GALNTL6: variants seen among roughly 807,000 people sequenced by gnomAD.
GALNTL6 encodes the protein polypeptide N-acetylgalactosaminyltransferase-like 6.
Under a neutral mutation model 73.7 loss-of-function variants are expected in GALNTL6, and 46 were observed. The ratio of observed to expected loss-of-function variants is 0.62; its 90% confidence interval spans 0.49 to 0.80. GALNTL6 has a LOEUF of 0.80. Among genes scored for constraint, GALNTL6 ranks in the 30% least tolerant of loss-of-function variants. The pLI is 0.00. For missense variants in GALNTL6, 604 were observed against 755.0 expected (o/e 0.80, Z 2.34); for synonymous variants, 259 against 263.7 (o/e 0.98, Z 0.17).
At chr4:172,937,261 T>C (rs565513607) in intron 9 of GALNTL6, among the ~76,000 whole-genome samples, 1 of 152,048 alleles carries the variant, frequency 6.6e-6, no homozygotes. Flanking sequence ...CTAAAGAAAT[T>C]AACATTTCGA....
At chr4:172,281,903 A>G (rs1398202037) in intron 3 of GALNTL6, among the ~76,000 whole-genome samples, 1 of 151,662 alleles carries the variant, frequency 6.6e-6, no homozygotes, top group African/African-American at 2.4e-5. Context: ...TTTCTAAACA[A>G]CTAAATCTTG....
At chr4:172,830,119 T>C (rs1196915121) in intron 7 of GALNTL6, among the ~76,000 whole-genome samples, 1 of 152,220 alleles carries the variant, frequency 6.6e-6, no homozygotes, top group Non-Finnish European at 1.5e-5. Context: ...AACTAAAAAT[T>C]CATTAAGATG....
At chr4:173,008,866 G>A (rs1159669212) in intron 10 of GALNTL6, among the ~76,000 whole-genome samples, 3 of 152,184 alleles carry the variant, frequency 2.0e-5, no homozygotes, top group South Asian at 4.1e-4. Context: ...GAACAATGGA[G>A]ATGCAAATAG....
intron 2 of GALNTL6, among the ~76,000 whole-genome samples, chr4:171,999,919 G>A (rs1022188848): frequency 7.2e-5 from 11 of 152,136 alleles, no homozygotes; most frequent in African/African-American, 2.7e-4. Context: ...TTCATAATAT[G>A]TAAGAGATTG....
intron 10 of GALNTL6, among the ~76,000 whole-genome samples, chr4:172,958,021 A>T (rs1749839615): frequency 6.6e-6 from 1 of 152,192 alleles, no homozygotes. Flanking sequence ...GGTATCAGGA[A>T]TAATGTAGGA....
chr4:171,924,424 GGA>G (rs1430831779), intron 2 of GALNTL6, among the ~76,000 whole-genome samples: 1 of 152,134 alleles, frequency 6.6e-6, no homozygotes, highest in East Asian at 1.9e-4. Flanking sequence ...CTTTGTGGTG[GGA>G]GAGTGTTTGA....
intron 5 of GALNTL6, among the ~76,000 whole-genome samples, chr4:172,595,825 A>T (rs1737829267): frequency 6.6e-6 from 1 of 152,182 alleles, no homozygotes; most frequent in African/African-American, 2.4e-5. Flanking sequence ...CAAACTTGGG[A>T]TCCAAAAAAG....
At chr4:172,053,156 AC>A (rs1730924935) in intron 2 of GALNTL6, among the ~76,000 whole-genome samples, 1 of 152,198 alleles carries the variant, frequency 6.6e-6, no homozygotes, top group Non-Finnish European at 1.5e-5. Context: ...AGATACCTAA[AC>A]ATATTTTTAC....
At chr4:172,302,210 T>C (rs747510422) in intron 3 of GALNTL6, among the ~76,000 whole-genome samples, 1 of 152,156 alleles carries the variant, frequency 6.6e-6, no homozygotes, top group Non-Finnish European at 1.5e-5. Context: ...TTGCTAAGAC[T>C]GTCGGAAAAG....
At chr4:172,494,431 A>G (rs1734001823) in intron 5 of GALNTL6, among the ~76,000 whole-genome samples, 1 of 152,196 alleles carries the variant, frequency 6.6e-6, no homozygotes, top group Admixed American at 6.5e-5. Flanking sequence ...TTTTCTCAGC[A>G]TTCTCTCCAT....
chr4:171,919,027 G>A (rs900199198), intron 2 of GALNTL6, among the ~76,000 whole-genome samples: 10 of 152,092 alleles, frequency 6.6e-5, no homozygotes, highest in African/African-American at 2.2e-4. Context: ...AGGCCATAAA[G>A]TTGCAGTCAA....
intron 2 of GALNTL6, among the ~76,000 whole-genome samples, chr4:172,106,324 T>C (rs1008106768): frequency 1.3e-5 from 2 of 152,126 alleles, no homozygotes; most frequent in Non-Finnish European, 2.9e-5. Flanking sequence ...GAATAGAGGG[T>C]TTAGTGATTT....
intron 2 of GALNTL6, among the ~76,000 whole-genome samples, chr4:171,951,998 A>G (rs1425489357): frequency 1.3e-5 from 2 of 152,016 alleles, no homozygotes; most frequent in Non-Finnish European, 2.9e-5. Context: ...TAATGAGTAT[A>G]AAGTCAGCAA....
At chr4:172,905,699 TAA>T (rs1746846518) in intron 8 of GALNTL6, among the ~76,000 whole-genome samples, 1 of 149,288 alleles carries the variant, frequency 6.7e-6, no homozygotes, top group East Asian at 2.0e-4. Flanking sequence ...ACATGGTACA[TAA>T]GCCACCAAAA....
intron 5 of GALNTL6, among the ~76,000 whole-genome samples, chr4:172,571,926 T>C (rs34876709): frequency 0.48 from 73,710 of 152,014 alleles, 19,338 homozygotes; most frequent in East Asian, 0.67. Flanking sequence ...TGACATAAGT[T>C]GCCCTGCAGG....
chr4:172,182,448 A>G (rs1229162181), intron 2 of GALNTL6, among the ~76,000 whole-genome samples: 1 of 150,670 alleles, frequency 6.6e-6, no homozygotes, highest in East Asian at 1.9e-4. Flanking sequence ...CATTTCAGAC[A>G]GAGACTAAGA....
chr4:172,714,286 A>G (rs1012020263), intron 5 of GALNTL6, among the ~76,000 whole-genome samples: 5 of 143,526 alleles, frequency 3.5e-5, no homozygotes, highest in Admixed American at 7.4e-5. Flanking sequence ...TTATAATTTT[A>G]CAGTGGTGGT....
At chr4:172,638,864 G>T (rs1224448005) in intron 5 of GALNTL6, among the ~76,000 whole-genome samples, 1 of 152,030 alleles carries the variant, frequency 6.6e-6, no homozygotes, top group Admixed American at 6.6e-5. Flanking sequence ...TGACTTTGAT[G>T]AACTTAACAC....
chr4:172,177,325 TAAAA>T (rs766685781), intron 2 of GALNTL6, among the ~76,000 whole-genome samples: 1 of 152,132 alleles, frequency 6.6e-6, no homozygotes, highest in Non-Finnish European at 1.5e-5. Context: ...TGAGTAATGA[TAAAA>T]GAAAGAAAAT....
Sources: allele counts gnomAD v4.1 joint callset (sites outside exome capture counted in the v4.1 genomes callset), GRCh38; gene constraint gnomAD v4.1.1; transcripts MANE v1.5; gene names NCBI Gene and HGNC (gene_info 2026-07-23, HGNC 2026-07-21).